Variants in ARHGEF37 observed in about 807,000 individuals in gnomAD.
ARHGEF37 encodes the protein Rho guanine nucleotide exchange factor (GEF) 37.
A neutral mutation model predicts 71.1 loss-of-function variants in ARHGEF37; 55 were observed. The observed-to-expected ratio is 0.77, with a 90% confidence interval of 0.62 to 0.97. The LOEUF (loss-of-function observed/expected upper bound fraction) is 0.97, where lower values mean the gene tolerates loss of function less well. Among genes scored for constraint, ARHGEF37 ranks in the 50% least tolerant of loss-of-function variants. The pLI is 0.00. For missense variants in ARHGEF37, 765 were observed against 836.8 expected (o/e 0.91, Z 1.06); for synonymous variants, 327 against 350.6 (o/e 0.93, Z 0.75).
chr5:149,626,651 A>G (rs1393001056), intron 10 of ARHGEF37, among the ~76,000 whole-genome samples: 1 of 152,184 alleles, frequency 6.6e-6, no homozygotes, highest in African/African-American at 2.4e-5. Context: ...GAAATCCGCC[A>G]TGTGCTGGCC....
At chr5:149,585,499 T>G (rs1046066786) in intron 1 of ARHGEF37, among the ~76,000 whole-genome samples, 2 of 152,166 alleles carry the variant, frequency 1.3e-5, no homozygotes, top group African/African-American at 4.8e-5. Flanking sequence ...CAAAAAACAC[T>G]ACATAGTGCA....
At position 149,632,385 on chromosome 5, in the gene ARHGEF37, G is replaced by T. The variant is rs1387118104; in HGVS notation, c.*194G>T. 3.2e-6 allele frequency: 2 copies of T among 621,612 alleles called. No homozygotes were observed. Among genetic ancestry groups the T allele is most frequent in the East Asian group, 5.6e-5 (2 of 36,030 alleles). The allele number at this position is 621,612 out of a possible 1,614,324, so 38.5% of individuals were successfully genotyped here. A position where few individuals can be genotyped will look rare whatever the true frequency, so the allele number is the denominator to read the frequency against. On this transcript the variant is annotated 3_prime_UTR_variant, in exon 13 of 13. Transcript: ENST00000333677. ...GCTTGGTGTGGTGGGGGCACAGGAG[G>T]CTCCAGCCAGGACTGCTCATTATGT...
At position 149,627,225 on chromosome 5, in the gene ARHGEF37, C is replaced by T; in HGVS notation, c.1614C>T (p.Asn538=). 2 of 1,614,064 alleles carry T rather than the reference C, an allele frequency of 1.2e-6. No individual in the cohort carries two copies. The highest frequency in any genetic ancestry group is 1.7e-4 in the Middle Eastern group (1 of 6,060). ...GCCAAATCGTGGCCATCCTTCAAAA[C>T]AAGGACACCAAAGGCAACAGCGGCC... ...PRGQIVAILQ[N]KDTKGNSGRW... is the part of the protein sequence containing the mutation. Residue 538 remains asparagine, a synonymous_variant, in exon 11 of 13, where the codon AAC becomes AAT. Coordinates refer to ENST00000333677, the MANE Select transcript of ARHGEF37 (RefSeq NM_001001669.3).
intron 9 of ARHGEF37, among the ~76,000 whole-genome samples, chr5:149,623,518 C>G (rs1002932100): frequency 6.6e-6 from 1 of 152,190 alleles, no homozygotes; most frequent in Non-Finnish European, 1.5e-5. Context: ...TGGGCTGCCC[C>G]CAACCCCTTG....
intron 3 of ARHGEF37, among the ~76,000 whole-genome samples, chr5:149,605,079 T>C (rs1763879813): frequency 6.6e-6 from 1 of 151,478 alleles, no homozygotes; most frequent in African/African-American, 2.4e-5. Flanking sequence ...ATACAAAAAT[T>C]AGTCGGGCGT....
chr5:149,577,005 C>T (rs552335133), upstream of ARHGEF37, among the ~76,000 whole-genome samples: 1 of 152,018 alleles, frequency 6.6e-6, no homozygotes, highest in Non-Finnish European at 1.5e-5. Context: ...ATTCTCAAAA[C>T]TTACGTTCTA....
At chr5:149,600,964 A>G (rs990291006) in intron 2 of ARHGEF37, 144 bp from the exon 3 acceptor site, 2 of 1,009,606 alleles carry the variant, frequency 2.0e-6, no homozygotes, top group South Asian at 1.8e-5. Flanking sequence ...TAACGTTTCA[A>G]AATCCTTGCA....
At chr5:149,604,511 T>A (rs759012068) in intron 3 of ARHGEF37, among the ~76,000 whole-genome samples, 1 of 152,040 alleles carries the variant, frequency 6.6e-6, no homozygotes, top group Non-Finnish European at 1.5e-5. Context: ...CTCTTGTGGT[T>A]GCCAAAAAGA....
intron 1 of ARHGEF37, among the ~76,000 whole-genome samples, chr5:149,553,250 T>A (rs1321159066): frequency 6.6e-6 from 1 of 151,918 alleles, no homozygotes; most frequent in Non-Finnish European, 1.5e-5. Flanking sequence ...AATACAAAAC[T>A]TAGCTGGGCA....
rs547205628 is a variant in ARHGEF37, at chr5:149,552,190, A to G, written c.-12+67A>G. ...CAGAAAATTAATTTAACAAGAGTGA[A>G]AAAACTGTTATGTCCCCTCAACCCC... On this transcript the variant is annotated intron_variant, in intron 1 of 2. Coordinates refer to the ARHGEF37 transcript ENST00000505810. 2.7e-5 allele frequency: 4 copies of G among 149,906 alleles called. 1 individual carries two copies. In the South Asian group the frequency reaches 8.5e-4, roughly 32 times the overall value. The allele number at this position is 149,906 out of a possible 1,614,324, so 9.3% of individuals were successfully genotyped here.
chr5:149,556,303 C>T (rs544155474), intron 1 of ARHGEF37, among the ~76,000 whole-genome samples: 4 of 152,342 alleles, frequency 2.6e-5, no homozygotes, highest in Admixed American at 2.0e-4. Context: ...AAGTGATTCT[C>T]CTGCCTCAGC....
chr5:149,580,816 G>A (rs372301164), upstream of ARHGEF37, among the ~76,000 whole-genome samples: 1 of 152,200 alleles, frequency 6.6e-6, no homozygotes, highest in Non-Finnish European at 1.5e-5. Flanking sequence ...GTCCATTCCT[G>A]ACGCTACAAA....
In ARHGEF37 at chr5:149,628,832, G is replaced by T; in HGVS notation, c.1684G>T (p.Gly562Trp). The T allele has an allele frequency of 6.2e-7, 1 of 1,613,522 alleles. No homozygotes were observed. ...AGGACATCGTGGGTATGTGCCGGCT[G>T]GGAAACTACAGCTGTACCATGTGGT... ...TGGHRGYVPAGKLQLYHVVPS... is the reference protein window; with the variant it reads ...TGGHRGYVPAWKLQLYHVVPS... The change falls in exon 12 of 13, where the codon GGG becomes TGG. Residue 562 changes from glycine (G) to tryptophan (W), a missense_variant. Physicochemically the swap from Gly to Trp is radical, Grantham distance 184 (BLOSUM62 -2). Around this residue, in one of 5 missense-constraint regions of ARHGEF37, gnomAD observed 390 missense variants for 407.4 expected, o/e 0.96. Transcript: ENST00000333677.
At chr5:149,565,027 G>T (rs927184081) in intron 1 of ARHGEF37, among the ~76,000 whole-genome samples, 1 of 152,214 alleles carries the variant, frequency 6.6e-6, no homozygotes, top group East Asian at 1.9e-4. Context: ...TGGACAGTCA[G>T]ATGTTAAATA....
chr5:149,586,659 A>G (rs1437224808), intron 1 of ARHGEF37, among the ~76,000 whole-genome samples: 1 of 152,226 alleles, frequency 6.6e-6, no homozygotes, highest in South Asian at 2.1e-4. Context: ...GGAGGTTTAG[A>G]CCCAGATGGT....
At chr5:149,630,909 C>T (rs1752860987) in intron 12 of ARHGEF37, among the ~76,000 whole-genome samples, 1 of 152,186 alleles carries the variant, frequency 6.6e-6, no homozygotes, top group Non-Finnish European at 1.5e-5. Context: ...AAAACCTAAG[C>T]AGCCTGCATT....
chr5:149,613,435 C>T (rs929294421), intron 4 of ARHGEF37, among the ~76,000 whole-genome samples: 1 of 151,918 alleles, frequency 6.6e-6, no homozygotes. Context: ...CAACCTCTGC[C>T]TCCGGGGTTC....
intron 10 of ARHGEF37, among the ~76,000 whole-genome samples, chr5:149,626,661 C>G (rs554213190): frequency 5.9e-5 from 9 of 152,142 alleles, no homozygotes; most frequent in Non-Finnish European, 1.3e-4. Flanking sequence ...ATGTGCTGGC[C>G]CTGGCTGGCT....
intron 1 of ARHGEF37, among the ~76,000 whole-genome samples, chr5:149,561,551 T>C (rs938498906): frequency 6.6e-6 from 1 of 152,198 alleles, no homozygotes; most frequent in Non-Finnish European, 1.5e-5. Flanking sequence ...GCCAGAGATA[T>C]GTCCTGACAG....
Sources: allele counts gnomAD v4.1 joint callset (sites outside exome capture counted in the v4.1 genomes callset), GRCh38; gene constraint gnomAD v4.1.1; regional missense constraint gnomAD v4.1.1; transcripts MANE v1.5; gene names NCBI Gene and HGNC (gene_info 2026-07-23, HGNC 2026-07-21).